The following C12orf50 variants were observed in gnomAD, a reference collection of about 807,000 sequenced individuals.
The protein encoded by C12orf50 is zinc finger CCCH-type containing 11D, also known as uncharacterized protein C12orf50.
C12orf50 carries 35 observed loss-of-function variants against 61.6 expected under a neutral mutation model. The ratio of observed to expected loss-of-function variants is 0.57; its 90% CI spans 0.43 to 0.75. The LOEUF is 0.75. C12orf50 is among the 30% of genes least tolerant of loss of function. The probability of loss-of-function intolerance (pLI) is 0.00; values close to 1 mark genes in which losing one functional copy is unlikely to be tolerated. For missense variants in C12orf50, 475 were observed against 488.5 expected, an observed-to-expected ratio of 0.97 and a Z score of 0.26; for synonymous variants, 178 against 161.5, an observed-to-expected ratio of 1.10 and a Z score of -0.77.
At chr12:87,988,293 G>T in intron 8 of C12orf50, among the ~76,000 whole-genome samples, 1 of 152,094 alleles carries the variant, frequency 6.6e-6, no homozygotes, top group East Asian at 1.9e-4. Context: ...TTAAATTGGG[G>T]TTCTGAAAAT....
intron 7 of C12orf50, among the ~76,000 whole-genome samples, chr12:87,994,249 CTT>C (rs1453387476): frequency 1.3e-5 from 2 of 151,876 alleles, no homozygotes; most frequent in East Asian, 3.9e-4. Flanking sequence ...AAAAAGTAGA[CTT>C]AATCAAATGA....
intron 3 of C12orf50, among the ~76,000 whole-genome samples, chr12:88,010,076 C>G (rs534569532): frequency 6.6e-6 from 1 of 152,072 alleles, no homozygotes; most frequent in East Asian, 1.9e-4. Flanking sequence ...ATCAAGTGTC[C>G]AATCCGTTTC....
intron 3 of C12orf50, among the ~76,000 whole-genome samples, chr12:88,004,628 A>G (rs2031783111): frequency 6.6e-6 from 1 of 152,220 alleles, no homozygotes; most frequent in Non-Finnish European, 1.5e-5. Context: ...CATGGAGTCA[A>G]CCTAAATGCC....
intron 3 of C12orf50, among the ~76,000 whole-genome samples, chr12:88,006,438 T>A (rs2031887301): frequency 6.6e-6 from 1 of 152,194 alleles, no homozygotes; most frequent in Non-Finnish European, 1.5e-5. Context: ...AGTTTTCTAC[T>A]CTCTGCCTGC....
In C12orf50 at chr12:87,980,500, G is replaced by A; in HGVS notation, c.1220-144C>T. 5.5e-6 allele frequency: 4 copies of A among 725,182 alleles called. No homozygotes were observed. The South Asian group carries it at 5.5e-5, about 10-fold the overall frequency. The allele number at this position is 725,182 out of a possible 1,614,324, so 44.9% of individuals were successfully genotyped here. A position where few individuals can be genotyped will look rare whatever the true frequency, so the allele number is the denominator to read the frequency against. ...GTTTTAACTTATAAATTTTCAAAAT[G>A]CCATTCAAATAGTCCACTTCTTTTT... On this transcript the variant is annotated intron_variant, in intron 12 of 12. Transcript: ENST00000298699.
chr12:88,011,336 C>T (rs2032102541), intron 3 of C12orf50, among the ~76,000 whole-genome samples: 1 of 152,136 alleles, frequency 6.6e-6, no homozygotes, highest in South Asian at 2.1e-4. Flanking sequence ...ACATTTTCTA[C>T]ACCATTAGAT....
chr12:88,004,727 T>C (rs968941859), intron 3 of C12orf50, among the ~76,000 whole-genome samples: 2 of 152,184 alleles, frequency 1.3e-5, no homozygotes, highest in Admixed American at 1.3e-4. Flanking sequence ...TAATGTCCTT[T>C]GCAGCAACAT....
chr12:88,014,975 A>G (rs978246064), intron 3 of C12orf50, among the ~76,000 whole-genome samples: 5 of 152,200 alleles, frequency 3.3e-5, no homozygotes, highest in Admixed American at 6.5e-5. Flanking sequence ...TGAAGAAGTA[A>G]TATTTGAGTT....
At chr12:88,014,579 G>A (rs994847415) in intron 3 of C12orf50, among the ~76,000 whole-genome samples, 3 of 152,160 alleles carry the variant, frequency 2.0e-5, no homozygotes, top group Non-Finnish European at 2.9e-5. Flanking sequence ...GATTGCAGGC[G>A]TGAGCCACCG....
intron 11 of C12orf50, 178 bp downstream of exon 11, chr12:87,985,672 C>T: frequency 1.5e-6 from 1 of 655,592 alleles, no homozygotes; most frequent in African/African-American, 1.8e-5. Context: ...CTTCCATATC[C>T]TTTAAATCAT....
At chr12:88,014,855 A>T (rs950816449) in intron 3 of C12orf50, among the ~76,000 whole-genome samples, 2 of 152,230 alleles carry the variant, frequency 1.3e-5, no homozygotes, top group African/African-American at 2.4e-5. Context: ...GTGATTTTCT[A>T]ATCTCTTATA....
In C12orf50 at chr12:87,983,539, C is replaced by G. The variant is rs548797942; in HGVS notation, c.1127-344G>C. 803 of 153,904 alleles carry G rather than the reference C, an allele frequency of 5.2e-3. 3 individuals are homozygous for G. Among genetic ancestry groups the G allele is most frequent in the Non-Finnish European group, 8.5e-3 (588 of 69,272 alleles). The allele number at this position is 153,904 out of a possible 1,614,324, so 9.5% of individuals were successfully genotyped here. A position where few individuals can be genotyped will look rare whatever the true frequency, so the allele number is the denominator to read the frequency against. ...GATATCTCCTAATGCTATCCCTCCC[C>G]CTTCCCCCACCCCACAACAGTCCCC... On this transcript the variant is annotated intron_variant, in intron 11 of 12. Transcript: ENST00000298699.
At chr12:87,993,363 G>A (rs2031222657) in intron 7 of C12orf50, among the ~76,000 whole-genome samples, 2 of 152,198 alleles carry the variant, frequency 1.3e-5, no homozygotes, top group African/African-American at 2.4e-5. Flanking sequence ...CTCGGGTTAA[G>A]TGGATCCCAC....
intron 3 of C12orf50, among the ~76,000 whole-genome samples, chr12:88,005,462 G>A (rs1015469395): frequency 2.0e-5 from 3 of 152,054 alleles, no homozygotes; most frequent in African/African-American, 7.3e-5. Flanking sequence ...TGAGATGTTA[G>A]CTTCCATTCA....
At chr12:87,994,307 C>T (rs1241202425) in intron 7 of C12orf50, among the ~76,000 whole-genome samples, 1 of 152,020 alleles carries the variant, frequency 6.6e-6, no homozygotes, top group Non-Finnish European at 1.5e-5. Flanking sequence ...TAGTATATTA[C>T]AGCACATACA....
intron 3 of C12orf50, among the ~76,000 whole-genome samples, chr12:88,020,744 C>T (rs573296385): frequency 1.5e-4 from 23 of 152,126 alleles, no homozygotes; most frequent in African/African-American, 5.3e-4. Context: ...TTCTTCTCAT[C>T]ATCACATGAC....
intron 12 of C12orf50, among the ~76,000 whole-genome samples, chr12:87,981,922 A>C (rs2030496158): frequency 6.6e-6 from 1 of 152,152 alleles, no homozygotes. Flanking sequence ...CAACACAGCC[A>C]TACCTCTATG....
Position 88,028,905 on chromosome 12 carries a change from T to A in C12orf50, c.-109+435A>T, listed in dbSNP as rs1041018996. On this transcript the variant is annotated intron_variant, in intron 1 of 12. Transcript: ENST00000298699. The stretch of plus-strand genomic sequence containing the variant: ...GATTTCTTCAGAGAAATTCAGTATG[T>A]CAAAAATACATGATAAGCTGTTACT... Among the ~76,000 whole-genome samples the A allele has an allele frequency of 1.3e-4, 20 of 152,120 alleles. 1 individual carries two copies. Among genetic ancestry groups the A allele is most frequent in the African/African-American group, 4.8e-4 (20 of 41,448 alleles).
chr12:87,997,112 G>A (rs1250632633), intron 4 of C12orf50, among the ~76,000 whole-genome samples: 1 of 151,938 alleles, frequency 6.6e-6, no homozygotes, highest in Non-Finnish European at 1.5e-5. Context: ...GCACCACTGT[G>A]CTGGGTTGAT....
Sources: allele counts gnomAD v4.1 joint callset (sites outside exome capture counted in the v4.1 genomes callset), GRCh38; gene constraint gnomAD v4.1.1; transcripts MANE v1.5; gene names NCBI Gene and HGNC (gene_info 2026-07-23, HGNC 2026-07-21).